The following CHRM3 variants were observed in gnomAD, a reference collection of about 807,000 sequenced individuals.
CHRM3 encodes the protein cholinergic receptor muscarinic 3.
A neutral mutation model predicts 41.8 loss-of-function variants in CHRM3; 11 were observed. The ratio of observed to expected loss-of-function variants is 0.26; its 90% CI spans 0.17 to 0.44. The LOEUF is 0.44. Among genes scored for constraint, CHRM3 ranks in the 20% least tolerant of loss-of-function variants. The probability of loss-of-function intolerance (pLI) is 1.00; values close to 1 mark genes in which losing one functional copy is unlikely to be tolerated. For missense variants in CHRM3, 571 were observed against 745.4 expected (o/e 0.77, Z 2.72); for synonymous variants, 297 against 301.4 (o/e 0.99, Z 0.15).
At chr1:239,405,582 G>A in intron 1 of CHRM3, among the ~76,000 whole-genome samples, 1 of 151,832 alleles carries the variant, frequency 6.6e-6, no homozygotes, top group East Asian at 1.9e-4. Flanking sequence ...TCTTAAAGCT[G>A]GGGCTTCAAT....
chr1:239,885,114 G>T (rs572660640), intron 6 of CHRM3, among the ~76,000 whole-genome samples: 66 of 152,278 alleles, frequency 4.3e-4, no homozygotes, highest in African/African-American at 1.6e-3. Context: ...TAACAAGCAG[G>T]TGCCTTAAAA....
At chr1:239,750,792 C>T (rs998846927) in intron 5 of CHRM3, among the ~76,000 whole-genome samples, 1 of 152,188 alleles carries the variant, frequency 6.6e-6, no homozygotes, top group African/African-American at 2.4e-5. Context: ...GCATCATAGT[C>T]TCTATGTTTT....
Position 239,387,324 on chromosome 1 carries a change from AG to A in CHRM3, c.-521+98del, listed in dbSNP as rs767613128. ...TTATCTCGTTGCGAAAGGAGGAAAA[AG>A]TTTTCGGCGCGGGTAGGAGAGGTCT... On this transcript the variant is annotated intron_variant, in intron 1 of 6. Coordinates refer to ENST00000676153, the MANE Select transcript of CHRM3 (RefSeq NM_001375978.1). This position sits in a 1 kb window ranked among gnomAD's most constrained non-coding sequence, Gnocchi z 5.1. 1.1e-4 allele frequency: 16 copies of A among 151,688 alleles called. No homozygotes were observed. The highest frequency in any genetic ancestry group is 2.4e-4 in the Non-Finnish European group (16 of 68,006). 9.4% of individuals were successfully genotyped at this position (151,688 alleles called of 1,614,324 possible). A position where few individuals can be genotyped will look rare whatever the true frequency, so the allele number is the denominator to read the frequency against.
At chr1:239,614,117 T>C (rs1357018207) in intron 3 of CHRM3, among the ~76,000 whole-genome samples, 1 of 152,172 alleles carries the variant, frequency 6.6e-6, no homozygotes, top group Non-Finnish European at 1.5e-5. Flanking sequence ...CAGTGAGCTA[T>C]GTTTGCATCC....
At chr1:239,806,417 TACACACAC>T (rs5782102) in intron 5 of CHRM3, among the ~76,000 whole-genome samples, 11 of 146,030 alleles carry the variant, frequency 7.5e-5, no homozygotes, top group African/African-American at 2.3e-4. Flanking sequence ...AGGATGGAGT[TACACACAC>T]ACACACACAC....
intron 3 of CHRM3, among the ~76,000 whole-genome samples, chr1:239,590,731 G>A (rs1664036533): frequency 6.6e-6 from 1 of 152,006 alleles, no homozygotes; most frequent in Non-Finnish European, 1.5e-5. Context: ...CCCTTATTTA[G>A]CAATCTGAAT....
At chr1:239,397,974 G>A (rs1659640671) in intron 1 of CHRM3, among the ~76,000 whole-genome samples, 1 of 151,844 alleles carries the variant, frequency 6.6e-6, no homozygotes, top group East Asian at 1.9e-4. Context: ...AAATTTTGGA[G>A]AGATAAGTCT....
intron 5 of CHRM3, among the ~76,000 whole-genome samples, chr1:239,772,132 T>A (rs931391898): frequency 6.6e-6 from 1 of 152,120 alleles, no homozygotes; most frequent in East Asian, 1.9e-4. Flanking sequence ...AAAGAAACTT[T>A]CCATTTCTAT....
chr1:239,633,312 C>T (rs943608992), intron 4 of CHRM3, among the ~76,000 whole-genome samples: 7 of 152,032 alleles, frequency 4.6e-5, no homozygotes, highest in South Asian at 2.1e-4. Context: ...GGAGAGGGTG[C>T]GGAGGAAACT....
chr1:239,870,010 T>C (rs1179465615), intron 6 of CHRM3, among the ~76,000 whole-genome samples: 1 of 152,190 alleles, frequency 6.6e-6, no homozygotes, highest in African/African-American at 2.4e-5. Flanking sequence ...TTGTTTCTAC[T>C]GTATTATGTC....
At chr1:239,461,777 C>T (rs762124581) in intron 1 of CHRM3, among the ~76,000 whole-genome samples, 4 of 152,062 alleles carry the variant, frequency 2.6e-5, no homozygotes, top group East Asian at 1.9e-4. Context: ...CACCGAGGAA[C>T]GTGGACATCA....
chr1:239,397,700 T>G (rs980000121), intron 1 of CHRM3, among the ~76,000 whole-genome samples: 19 of 147,488 alleles, frequency 1.3e-4, no homozygotes, highest in African/African-American at 4.4e-4. Context: ...TATATATATA[T>G]ATATATTTCT....
intron 1 of CHRM3, among the ~76,000 whole-genome samples, chr1:239,403,638 G>T (rs545863012): frequency 6.6e-6 from 1 of 151,932 alleles, no homozygotes; most frequent in Non-Finnish European, 1.5e-5. Flanking sequence ...ATTTCTAGTG[G>T]CCAGTAGTCA....
intron 5 of CHRM3, among the ~76,000 whole-genome samples, chr1:239,803,728 G>A (rs1454097127): frequency 2.0e-5 from 3 of 152,140 alleles, no homozygotes; most frequent in African/African-American, 7.2e-5. Context: ...GAAGGCAGGG[G>A]GTAGGTGATC....
chr1:239,805,597 G>A (rs1670571409), intron 5 of CHRM3, among the ~76,000 whole-genome samples: 1 of 151,978 alleles, frequency 6.6e-6, no homozygotes, highest in Non-Finnish European at 1.5e-5. Flanking sequence ...CTTTCCTGAA[G>A]TCTAGGGCCT....
intron 5 of CHRM3, among the ~76,000 whole-genome samples, chr1:239,743,624 A>G (rs1665053072): frequency 6.6e-6 from 1 of 152,008 alleles, no homozygotes; most frequent in Admixed American, 6.6e-5. Flanking sequence ...AGCTTGTGCC[A>G]TATGTCTGGG....
At chr1:239,512,108 G>T (rs903153236) in intron 2 of CHRM3, among the ~76,000 whole-genome samples, 2 of 152,150 alleles carry the variant, frequency 1.3e-5, no homozygotes, top group Non-Finnish European at 2.9e-5. Context: ...GGGTGGACGG[G>T]CACTAGGATG....
chr1:239,390,485 T>A (rs1008708033), intron 1 of CHRM3, among the ~76,000 whole-genome samples: 8 of 152,212 alleles, frequency 5.3e-5, no homozygotes. Flanking sequence ...AGGGAATATA[T>A]CTTTGTTCAG....
At chr1:239,714,670 T>A (rs1662161302) in intron 5 of CHRM3, among the ~76,000 whole-genome samples, 1 of 152,084 alleles carries the variant, frequency 6.6e-6, no homozygotes, top group Non-Finnish European at 1.5e-5. Context: ...GAAATTCAAG[T>A]GTTTTAAGCC....
Sources: gnomAD v4.1 joint callset for allele counts (sites outside exome capture counted in the v4.1 genomes callset) on GRCh38, gnomAD v4.1.1 for gene constraint, Gnocchi (gnomAD v3.1) non-coding constraint, MANE v1.5 for transcripts, NCBI Gene and HGNC (gene_info 2026-07-23, HGNC 2026-07-21) for gene names.